The following TESMIN variants were observed in gnomAD, a reference collection of about 807,000 sequenced individuals.
The protein encoded by TESMIN is CXC domain containing 2.
A neutral mutation model predicts 47.4 loss-of-function variants in TESMIN; 34 were observed. That is an observed-to-expected ratio of 0.72 (90% CI 0.55 to 0.96). TESMIN has a LOEUF of 0.96. Among genes scored for constraint, TESMIN ranks in the 40% least tolerant of loss-of-function variants. TESMIN has a pLI of 0.00. For missense variants in TESMIN, 610 were observed against 637.2 expected, an observed-to-expected ratio of 0.96 and a Z score of 0.46; for synonymous variants, 278 against 258.9, an observed-to-expected ratio of 1.07 and a Z score of -0.71.
chr11:68,731,358 G>A (rs1296922968), intron 6 of TESMIN, among the ~76,000 whole-genome samples: 1 of 152,068 alleles, frequency 6.6e-6, no homozygotes, highest in Non-Finnish European at 1.5e-5. Context: ...AGCCCAGGGG[G>A]TCAAGGCTGC....
At chr11:68,751,013 G>A (rs1594307058) in intron 1 of TESMIN, among the ~76,000 whole-genome samples, 1 of 113,520 alleles carries the variant, frequency 8.8e-6, no homozygotes, top group Non-Finnish European at 1.9e-5. Context: ...ACCAGGGGAG[G>A]GGCGGCCGGG....
At position 68,710,332 on chromosome 11, in the gene TESMIN, G is replaced by A. The variant is rs117326881; in HGVS notation, c.1334+542C>T. 2.2e-3 allele frequency among the ~76,000 whole-genome samples: 337 copies of A among 152,238 alleles called. 1 individual carries two copies. The highest frequency in any genetic ancestry group is 3.6e-3 in the Non-Finnish European group (247 of 68,014). Reference sequence around the variant, plus strand: ...TTAAACAAATGAATGGAATCTAATAGATAGTAAAACTATGACTCAACTTTG... The same window carrying A: ...TTAAACAAATGAATGGAATCTAATAAATAGTAAAACTATGACTCAACTTTG... On this transcript the variant is annotated intron_variant, in intron 9 of 9. Transcript: ENST00000255087.
At position 68,707,835 on chromosome 11, in the gene TESMIN, C is replaced by T. The variant is rs562359761; in HGVS notation, c.*473G>A. On this transcript the variant is annotated 3_prime_UTR_variant, in exon 10 of 10. Transcript: ENST00000255087. ...GAGATTTTAAGTGGTATCACAACAG[C>T]CCATCCGGAGAACTTATTTCTAAAT... 14 of 456,106 alleles carry T rather than the reference C, an allele frequency of 3.1e-5. No homozygotes were observed. The highest frequency in any genetic ancestry group is 6.5e-4 in the Middle Eastern group (2 of 3,068). The allele number at this position is 456,106 out of a possible 1,614,324, so 28.3% of individuals were successfully genotyped here.
chr11:68,714,095 A>G (rs1365841038), intron 7 of TESMIN, among the ~76,000 whole-genome samples: 2 of 152,204 alleles, frequency 1.3e-5, no homozygotes, highest in Non-Finnish European at 2.9e-5. Context: ...ATCTTTACAT[A>G]CAAAACAATT....
intron 6 of TESMIN, chr11:68,738,280 G>A (rs75955844): frequency 0.083 from 83,351 of 998,480 alleles, 3,758 homozygotes; most frequent in Middle Eastern, 0.11. Context: ...GGAAGGCAGC[G>A]GGCGGAGGCA....
intron 6 of TESMIN, among the ~76,000 whole-genome samples, chr11:68,717,455 G>A (rs1354816751): frequency 6.6e-6 from 1 of 152,192 alleles, no homozygotes; most frequent in Non-Finnish European, 1.5e-5. Flanking sequence ...TCCACAACAG[G>A]GGAGAGGAGA....
intron 6 of TESMIN, chr11:68,736,563 G>A: frequency 1.0e-6 from 1 of 985,332 alleles, no homozygotes; most frequent in South Asian, 4.7e-5. Context: ...TGCAGATGTC[G>A]AGATAAAAAT....
intron 6 of TESMIN, chr11:68,736,023 T>C: frequency 1.1e-6 from 1 of 940,966 alleles, no homozygotes; most frequent in Non-Finnish European, 1.3e-6. Context: ...CATCTAAAAA[T>C]TAAAGAGTTA....
intron 6 of TESMIN, among the ~76,000 whole-genome samples, chr11:68,718,166 T>TACA (rs1295922594): frequency 7.5e-6 from 1 of 133,118 alleles, no homozygotes; most frequent in South Asian, 2.4e-4. Flanking sequence ...ACCCCTCACC[T>TACA]GCAGCCCCCA....
intron 6 of TESMIN, chr11:68,736,598 G>A: frequency 1.0e-6 from 1 of 985,310 alleles, no homozygotes; most frequent in Non-Finnish European, 1.2e-6. Flanking sequence ...AAGTGGAGAG[G>A]CATTGGATTA....
intron 6 of TESMIN, chr11:68,736,367 C>G (rs1351304932): frequency 2.0e-6 from 2 of 985,370 alleles, no homozygotes; most frequent in Non-Finnish European, 2.4e-6. Flanking sequence ...GCACACTCAG[C>G]CTGCTGGCCT....
At position 68,751,073 on chromosome 11, in the gene TESMIN, G is replaced by A. The variant is rs537901102; in HGVS notation, c.-40+347C>T. Among the ~76,000 whole-genome samples the A allele has an allele frequency of 3.0e-3, 274 of 90,694 alleles. 4 individuals carry two copies. Among genetic ancestry groups the A allele is most frequent in the African/African-American group, 0.011 (252 of 21,942 alleles). The allele number at this position is 90,694 out of a possible 152,430, so 59.5% of individuals were successfully genotyped here. ...AGGGGAGGGGCGGCCAGGGGAGGGGGCCAGGTGAGGGGCGGCCAGGTGAGG... is the reference window on the plus strand; with the variant it reads ...AGGGGAGGGGCGGCCAGGGGAGGGGACCAGGTGAGGGGCGGCCAGGTGAGG... On this transcript the variant is annotated intron_variant, in intron 1 of 9. Transcript: ENST00000255087.
At position 68,743,901 on chromosome 11, in the gene TESMIN, C is replaced by T. The variant is rs114394796; in HGVS notation, c.751+1090G>A. On this transcript the variant is annotated intron_variant, in intron 4 of 9. Coordinates refer to ENST00000255087, the MANE Select transcript of TESMIN (RefSeq NM_004923.3). ...GGGAGTATGATTATATGATAAGGAA[C>T]TTGAACTGGAAAACACTATATAAAC... Among the ~76,000 whole-genome samples, 902 of 152,198 alleles carry T rather than the reference C, an allele frequency of 5.9e-3. 9 individuals carry two copies. Among genetic ancestry groups the T allele is most frequent in the African/African-American group, 0.02 (818 of 41,524 alleles).
At chr11:68,739,845 T>C (rs994471247) in intron 5 of TESMIN, among the ~76,000 whole-genome samples, 1 of 152,218 alleles carries the variant, frequency 6.6e-6, no homozygotes, top group Non-Finnish European at 1.5e-5. Flanking sequence ...GTTAGGCCCC[T>C]GTCTTCAAAT....
chr11:68,706,642 C>T (rs1185736662), downstream of TESMIN, among the ~76,000 whole-genome samples: 3 of 152,182 alleles, frequency 2.0e-5, no homozygotes, highest in African/African-American at 7.2e-5. Flanking sequence ...GTACAAGACA[C>T]CCTGCATTTC....
intron 6 of TESMIN, 169 bp downstream of exon 6, chr11:68,738,531 C>T: frequency 2.1e-6 from 3 of 1,397,712 alleles, no homozygotes; most frequent in Non-Finnish European, 2.8e-6. Context: ...TGAAACCAGA[C>T]ACAGACAGCA....
At chr11:68,724,681 G>A (rs1232217734) in intron 6 of TESMIN, among the ~76,000 whole-genome samples, 2 of 152,172 alleles carry the variant, frequency 1.3e-5, no homozygotes, top group Non-Finnish European at 2.9e-5. Flanking sequence ...GTAGGGGCTG[G>A]TGCAGCCTTC....
chr11:68,750,406 C>T lies in TESMIN; in HGVS notation c.255G>A (p.Gly85=). The T allele has an allele frequency of 1.3e-6, 2 of 1,523,650 alleles. No homozygotes were observed. The highest frequency in any genetic ancestry group is 2.5e-5 in the South Asian group (2 of 81,126). The allele number at this position is 1,523,650 out of a possible 1,614,324, so 94.4% of individuals were successfully genotyped here. ...CKGQVKAKLA[G]GDSDGGELLG... Reference sequence around the variant, plus strand: ...GGAGCTCCCCGCCGTCGCTGTCGCCCCCCGCGAGCTTCGCCTTGACCTGGC... The same window carrying T: ...GGAGCTCCCCGCCGTCGCTGTCGCCTCCCGCGAGCTTCGCCTTGACCTGGC... The change falls in exon 2 of 10, where the codon GGG becomes GGA. Residue 85 remains glycine, a synonymous_variant. Transcript: ENST00000255087.
Position 68,748,011 on chromosome 11 carries a change from C to G in TESMIN, c.472-645G>C, listed in dbSNP as rs186618851. Among the ~76,000 whole-genome samples the G allele has an allele frequency of 1.3e-3, 191 of 152,306 alleles. 1 individual carries two copies. The highest frequency in any genetic ancestry group is 4.3e-3 in the African/African-American group (180 of 41,570). ...ACAATCTGTAGGAATGTGAGGAGGA[C>G]TGGGAAACCCACGCTTTGCATCCTC... is the stretch of plus-strand genomic sequence containing the variant. On this transcript the variant is annotated intron_variant, in intron 2 of 9. Coordinates refer to ENST00000255087, the MANE Select transcript of TESMIN (RefSeq NM_004923.3).
Sources: allele counts gnomAD v4.1 joint callset (sites outside exome capture counted in the v4.1 genomes callset), GRCh38; gene constraint gnomAD v4.1.1; transcripts MANE v1.5; gene names NCBI Gene and HGNC (gene_info 2026-07-23, HGNC 2026-07-21).